The following NIPA1 variants were observed in gnomAD, a reference collection of about 807,000 sequenced individuals.
NIPA1 encodes the protein NIPA magnesium transporter 1.
In NIPA1, 13 loss-of-function variants were observed where a neutral mutation model predicts 23.9. That is an observed-to-expected ratio of 0.54 (90% CI 0.35 to 0.87). NIPA1 has a LOEUF of 0.87. NIPA1 is among the 40% of genes least tolerant of loss of function. NIPA1 has a pLI of 0.01. For synonymous variants in NIPA1, 234 were observed against 202.9 expected, an observed-to-expected ratio of 1.15 and a Z score of -1.30; for missense variants, 362 against 429.7, an observed-to-expected ratio of 0.84 and a Z score of 1.39.
Position 22,786,654 on chromosome 15 carries a change from G to C in NIPA1, c.-3G>C. On this transcript the variant is annotated 5_prime_UTR_variant, in exon 1 of 5. Coordinates refer to ENST00000337435, the MANE Select transcript of NIPA1 (RefSeq NM_144599.5). ...GCAGGCTCGGAGGGCGGGCGCGGGC[G>C]GAATGGGGACTGCAGCTGCGGCAGC... The C allele has an allele frequency of 3.9e-6, 4 of 1,038,690 alleles. No homozygotes were observed. The highest frequency in any genetic ancestry group is 4.6e-6 in the Non-Finnish European group (4 of 861,112). The allele number at this position is 1,038,690 out of a possible 1,614,324, so 64.3% of individuals were successfully genotyped here.
chr15:22,789,884 T>C (rs554320989), intron 1 of NIPA1, among the ~76,000 whole-genome samples: 1 of 152,146 alleles, frequency 6.6e-6, no homozygotes, highest in South Asian at 2.1e-4. Flanking sequence ...AGCCCCCGCC[T>C]CCTAGGCTCA....
chr15:22,818,032 T>A (rs1259057301), intron 3 of NIPA1, among the ~76,000 whole-genome samples: 4 of 152,034 alleles, frequency 2.6e-5, no homozygotes, highest in Non-Finnish European at 4.4e-5. Flanking sequence ...ATAAATTCGA[T>A]GTCATCAAAA....
intron 3 of NIPA1, among the ~76,000 whole-genome samples, chr15:22,818,206 A>T (rs1010032164): frequency 6.6e-6 from 1 of 152,032 alleles, no homozygotes; most frequent in South Asian, 2.1e-4. Flanking sequence ...TGGGAGGCCG[A>T]GGCGGGTGGA....
intron 4 of NIPA1, among the ~76,000 whole-genome samples, chr15:22,822,958 G>A (rs1459015808): frequency 8.9e-6 from 1 of 112,630 alleles, no homozygotes; most frequent in Non-Finnish European, 1.7e-5. Context: ...TTGCTCTGTC[G>A]CCCAGGCTGG....
intron 3 of NIPA1, among the ~76,000 whole-genome samples, 188 bp downstream of exon 3, chr15:22,812,441 C>G (rs1895336641): frequency 1.3e-5 from 2 of 152,072 alleles, no homozygotes; most frequent in South Asian, 4.1e-4. Context: ...TATTTGAGGT[C>G]ACGAGTTCAA....
Position 22,829,682 on chromosome 15 carries a change from C to T in NIPA1, c.*5443C>T, listed in dbSNP as rs937887338. ...TTATATTTTGCTTTATAGATGTAGT[C>T]ATAGCATGTTGTTATTGCCTCATGT... On this transcript the variant is annotated 3_prime_UTR_variant, in exon 5 of 5. Coordinates refer to ENST00000337435, the MANE Select transcript of NIPA1 (RefSeq NM_144599.5). The T allele has an allele frequency of 2.0e-5, 3 of 152,096 alleles. No homozygotes were observed. Among genetic ancestry groups the T allele is most frequent in the Admixed American group, 2.0e-4 (3 of 15,272 alleles). 9.4% of individuals were successfully genotyped at this position (152,096 alleles called of 1,614,324 possible). A position where few individuals can be genotyped will look rare whatever the true frequency, so the allele number is the denominator to read the frequency against.
At chr15:22,822,524 G>C (rs1174078990) in intron 4 of NIPA1, among the ~76,000 whole-genome samples, 2 of 152,098 alleles carry the variant, frequency 1.3e-5, no homozygotes, top group Non-Finnish European at 2.9e-5. Flanking sequence ...CCATTCACTT[G>C]TATTGTTAAG....
At chr15:22,814,445 C>T (rs1432490056) in intron 3 of NIPA1, among the ~76,000 whole-genome samples, 5 of 151,944 alleles carry the variant, frequency 3.3e-5, no homozygotes, top group Non-Finnish European at 5.9e-5. Flanking sequence ...CCTCGTGATC[C>T]GCCCGCCGTC....
chr15:22,800,279 C>T (rs1895048844), intron 1 of NIPA1, among the ~76,000 whole-genome samples: 1 of 152,090 alleles, frequency 6.6e-6, no homozygotes, highest in South Asian at 2.1e-4. Context: ...AAGCAAATTA[C>T]CATTTCATCT....
intron 2 of NIPA1, 150 bp from the exon 3 acceptor site, chr15:22,812,013 A>G (rs1199931534): frequency 1.2e-5 from 8 of 690,516 alleles, no homozygotes; most frequent in Non-Finnish European, 1.8e-5. Context: ...TGACCCCTTA[A>G]ATGTGCAGAT....
chr15:22,790,361 G>A, intron 1 of NIPA1, among the ~76,000 whole-genome samples: 1 of 151,164 alleles, frequency 6.6e-6, no homozygotes. Context: ...ATGGAGTCTT[G>A]CTCTGTCACC....
chr15:22,805,052 G>C (rs1020326497), intron 1 of NIPA1, among the ~76,000 whole-genome samples: 2 of 152,030 alleles, frequency 1.3e-5, no homozygotes, highest in Non-Finnish European at 2.9e-5. Flanking sequence ...GTGTTAGCCA[G>C]GATGGTCTCA....
intron 1 of NIPA1, among the ~76,000 whole-genome samples, chr15:22,800,192 C>A (rs576513967): frequency 6.6e-5 from 10 of 152,150 alleles, no homozygotes; most frequent in African/African-American, 2.4e-4. Context: ...ATCATCCTTC[C>A]TCAGCAATTT....
In NIPA1 at chr15:22,787,783, G is replaced by A. The variant is rs150104096; in HGVS notation, c.178+949G>A. On this transcript the variant is annotated intron_variant, in intron 1 of 4. Transcript: ENST00000337435. ...GGCCCCCGACTCTTGGGTTGTGAGAGAAAGTGAACTCGTAATTTACATGGC... is the reference window on the plus strand; with the variant it reads ...GGCCCCCGACTCTTGGGTTGTGAGAAAAAGTGAACTCGTAATTTACATGGC... 6.1e-3 allele frequency among the ~76,000 whole-genome samples: 935 copies of A among 152,302 alleles called. 5 individuals are homozygous for A. The highest frequency in any genetic ancestry group is 0.021 in the African/African-American group (877 of 41,562).
At chr15:22,823,163 G>A (rs535481906) in intron 4 of NIPA1, among the ~76,000 whole-genome samples, 5 of 150,492 alleles carry the variant, frequency 3.3e-5, no homozygotes, top group Non-Finnish European at 5.9e-5. Context: ...GGCCCACCTC[G>A]GCCTCCCAAA....
intron 4 of NIPA1, 51 bp downstream of exon 4, chr15:22,820,524 A>G: frequency 7.1e-7 from 1 of 1,403,310 alleles, no homozygotes; most frequent in Non-Finnish European, 1.0e-6. Flanking sequence ...AGGAGTGCCA[A>G]CTTTTTTAAC....
chr15:22,821,093 GC>G lies in NIPA1; in HGVS notation c.478+622del, dbSNP rs1348014650. 1.0e-3 allele frequency among the ~76,000 whole-genome samples: 154 copies of G among 151,474 alleles called. 1 individual carries two copies. The highest frequency in any genetic ancestry group is 1.8e-3 in the Non-Finnish European group (120 of 67,902). ...TTCTTCTGCCTCAGCCTCCTGAGTA[GC>G]CGGGGACTACAGGCGCCTGCCACCA... On this transcript the variant is annotated intron_variant, in intron 4 of 4. Coordinates refer to ENST00000337435, the MANE Select transcript of NIPA1 (RefSeq NM_144599.5).
chr15:22,820,980 C>CTTTTTT (rs34707760), intron 4 of NIPA1, among the ~76,000 whole-genome samples: 2 of 140,410 alleles, frequency 1.4e-5, no homozygotes, highest in Middle Eastern at 3.8e-3. Flanking sequence ...CTTTTCTTTT[C>CTTTTTT]TTTTTTTTTT....
intron 3 of NIPA1, among the ~76,000 whole-genome samples, chr15:22,815,718 A>G (rs1357656763): frequency 1.3e-5 from 2 of 152,222 alleles, no homozygotes; most frequent in African/African-American, 4.8e-5. Context: ...TGAACAAAAT[A>G]CTAACCAGTT....
Sources: allele counts gnomAD v4.1 joint callset (sites outside exome capture counted in the v4.1 genomes callset), GRCh38; gene constraint gnomAD v4.1.1; transcripts MANE v1.5; gene names NCBI Gene and HGNC (gene_info 2026-07-23, HGNC 2026-07-21).